The following HNRNPUL2 variants were observed in gnomAD, a reference collection of about 807,000 sequenced individuals.
The protein encoded by HNRNPUL2 is heterogeneous nuclear ribonucleoprotein U-like protein 2.
HNRNPUL2 carries 27 observed loss-of-function variants against 102.2 expected under a neutral mutation model. That is an observed-to-expected ratio of 0.26 (90% CI 0.19 to 0.36). HNRNPUL2 has a LOEUF of 0.36. Ranked by LOEUF, HNRNPUL2 falls within the 10% of genes least tolerant of loss-of-function variation. The pLI is 1.00. For missense variants in HNRNPUL2, 936 were observed against 981.1 expected, an observed-to-expected ratio of 0.95 and a Z score of 0.61; for synonymous variants, 458 against 387.2, an observed-to-expected ratio of 1.18 and a Z score of -2.15.
In HNRNPUL2 at chr11:62,714,040, A is replaced by G. The variant is rs548677470; in HGVS notation, c.*1259T>C. On this transcript the variant is annotated 3_prime_UTR_variant, in exon 14 of 14. Coordinates refer to ENST00000301785, the MANE Select transcript of HNRNPUL2 (RefSeq NM_001079559.3). ...GCGCCCCAAAAGGAATTTTGTTTCT[A>G]GAAGTCGGGAAGGGGTGCTCCCTTT... 1.9e-4 allele frequency: 29 copies of G among 152,276 alleles called. No homozygotes were observed. The highest frequency in any genetic ancestry group is 7.0e-4 in the African/African-American group (29 of 41,534). 9.4% of individuals were successfully genotyped at this position (152,276 alleles called of 1,614,324 possible). A position where few individuals can be genotyped will look rare whatever the true frequency, so the allele number is the denominator to read the frequency against.
chr11:62,720,237 T>C, intron 9 of HNRNPUL2, 46 bp from the exon 10 acceptor site: 2 of 1,582,882 alleles, frequency 1.3e-6, no homozygotes, highest in Non-Finnish European at 1.7e-6. Context: ...AAATTATCAC[T>C]CAGATTTAAC....
Position 62,722,148 on chromosome 11 carries a change from G to C in HNRNPUL2, c.1328C>G (p.Ala443Gly), listed in dbSNP as rs772251720. The change falls in exon 7 of 14, where the codon GCA becomes GGA. Residue 443 changes from alanine to glycine, a missense_variant. Ala to Gly is a moderately conservative substitution (Grantham distance 60). This residue lies in a region of HNRNPUL2 where 609 missense variants were observed against 713.0 expected (regional missense o/e 0.85). Coordinates refer to ENST00000301785, the MANE Select transcript of HNRNPUL2 (RefSeq NM_001079559.3). ...AVPVEERVRT[A>G]VPPKTIEECE... is the part of the protein sequence containing the mutation. The stretch of plus-strand genomic sequence containing the variant: ...TTCCTCTATGGTCTTGGGAGGGACT[G>C]CAGTGCGTACACGCTCCTCAACAGG... 6.2e-7 allele frequency: 1 copy of C among 1,613,960 alleles called. No homozygotes were observed. The highest frequency in any genetic ancestry group is 1.3e-5 in the African/African-American group (1 of 74,932).
chr11:62,722,098 C>G lies in HNRNPUL2; in HGVS notation c.1359+19G>C, dbSNP rs548114978. Reference sequence around the variant, plus strand: ...CTGCAAAGCATACAACCTCAGTGTTCGTATACTGTTTGGCATACCTCACAT... The same window carrying G: ...CTGCAAAGCATACAACCTCAGTGTTGGTATACTGTTTGGCATACCTCACAT... On this transcript the variant is annotated intron_variant, in intron 7 of 13. Transcript: ENST00000301785. 1.2e-6 allele frequency: 2 copies of G among 1,610,914 alleles called. No individual in the cohort carries two copies. The highest frequency in any genetic ancestry group is 1.7e-6 in the Non-Finnish European group (2 of 1,178,110).
At chr11:62,719,443 T>A (rs2083683913) in intron 10 of HNRNPUL2, among the ~76,000 whole-genome samples, 1 of 152,116 alleles carries the variant, frequency 6.6e-6, no homozygotes, top group African/African-American at 2.4e-5. Flanking sequence ...AGGGTGAGAC[T>A]CTGTCTCAAA....
chr11:62,727,018 C>T lies in HNRNPUL2; in HGVS notation c.139G>A (p.Gly47Ser). The T allele has an allele frequency of 1.5e-6, 2 of 1,375,534 alleles. No homozygotes were observed. Among genetic ancestry groups the T allele is most frequent in the South Asian group, 1.6e-5 (1 of 61,952 alleles). The allele number at this position is 1,375,534 out of a possible 1,614,324, so 85.2% of individuals were successfully genotyped here. Residue 47 changes from glycine to serine, a missense_variant, in exon 1 of 14, where the codon GGC (glycine) becomes AGC (serine). Physicochemically the swap from Gly to Ser is moderately conservative, Grantham distance 56 (BLOSUM62 0). Transcript: ENST00000301785. The part of the protein sequence containing the change: ...LDAEMLEDEA[G>S]GGGAGPGGAC... ...CCGCCGGGCCCGGCCCCGCCGCCGC[C>T]GGCCTCGTCCTCGAGCATCTCGGCG...
At chr11:62,722,963 G>T in intron 4 of HNRNPUL2, 60 bp from the exon 5 acceptor site, 1 of 1,282,788 alleles carries the variant, frequency 7.8e-7, no homozygotes, top group Non-Finnish European at 1.1e-6. Flanking sequence ...CAAACTCTGA[G>T]TTCGAAGGAC....
At chr11:62,720,449 C>T (rs968224203) in intron 9 of HNRNPUL2, among the ~76,000 whole-genome samples, 14 of 150,350 alleles carry the variant, frequency 9.3e-5, no homozygotes, top group South Asian at 2.1e-4. Context: ...GAGGCTGAGA[C>T]GGAAGAATCG....
At chr11:62,723,824 T>C in intron 3 of HNRNPUL2, 90 bp downstream of exon 3, 1 of 1,599,748 alleles carries the variant, frequency 6.3e-7, no homozygotes, top group Non-Finnish European at 8.5e-7. Flanking sequence ...ATACAAAGTC[T>C]CATAGAATTT....
At position 62,726,653 on chromosome 11, in the gene HNRNPUL2, G is replaced by A. The variant is rs2083751181; in HGVS notation, c.504C>T (p.Ser168=). 1.4e-5 allele frequency: 23 copies of A among 1,597,134 alleles called. No individual in the cohort carries two copies. Among genetic ancestry groups the A allele is most frequent in the South Asian group, 3.3e-5 (3 of 90,476 alleles). The part of the protein sequence containing the change: ...EERSGDETPG[S]EVPGDKAAEE... ...CGGCGGCCTTGTCACCCGGCACCTC[G>A]GATCCCGGCGTCTCGTCCCCGCTCC... is the stretch of plus-strand genomic sequence containing the variant. Residue 168 remains serine (S), a synonymous_variant, in exon 1 of 14, where the codon TCC becomes TCT. Transcript: ENST00000301785.
chr11:62,727,413 G>A lies in HNRNPUL2; in HGVS notation c.-257C>T, dbSNP rs560026599. ...GCAGCAGGGAGCTGTTTCCCCTCCA[G>A]GCCCTTGGTTCCCCAGCCGCGGGCA... On this transcript the variant is annotated 5_prime_UTR_variant, in exon 1 of 14. Transcript: ENST00000301785. 19 of 363,224 alleles carry A rather than the reference G, an allele frequency of 5.2e-5. No homozygotes were observed. The East Asian group carries it at 6.7e-4, about 13-fold the overall frequency. 22.5% of individuals were successfully genotyped at this position (363,224 alleles called of 1,614,324 possible). A position where few individuals can be genotyped will look rare whatever the true frequency, so the allele number is the denominator to read the frequency against.
intron 1 of HNRNPUL2, 66 bp downstream of exon 1, chr11:62,726,553 G>C (rs1182981886): frequency 1.7e-5 from 24 of 1,429,098 alleles, no homozygotes; most frequent in Non-Finnish European, 2.2e-5. Flanking sequence ...CTGCGGTGCA[G>C]GGCGGGGTGC....
Position 62,726,919 on chromosome 11 carries a change from C to CCTT in HNRNPUL2, c.237_238insAAG (p.Glu79_Glu80insLys). 1.3e-6 allele frequency: 2 copies of CCTT among 1,530,830 alleles called. No homozygotes were observed. The highest frequency in any genetic ancestry group is 1.7e-6 in the Non-Finnish European group (2 of 1,148,824). 94.8% of individuals were successfully genotyped at this position (1,530,830 alleles called of 1,614,324 possible). ...GCCTCCTCGTCCTCCTCCTCCTCCT[C>CCTT]TTCGTCCTCCTCCTCGTCCCCGCCC... is the stretch of plus-strand genomic sequence containing the variant. On this transcript the variant is annotated inframe_insertion, in exon 1 of 14. Transcript: ENST00000301785.
In HNRNPUL2 at chr11:62,722,301, T is replaced by C. The variant is rs1175467151; in HGVS notation, c.1175A>G (p.Asp392Gly). ...DLGVAFWISK[D>G]SLADRALLPH... ...TAGAAGGGCCCGGTCTGCCAGGGAATCCTTGCTGATCCAGAATGCCACACC... is the reference window on the plus strand; with the variant it reads ...TAGAAGGGCCCGGTCTGCCAGGGAACCCTTGCTGATCCAGAATGCCACACC... Residue 392 changes from aspartate to glycine, a missense_variant, in exon 7 of 14, where the codon GAT becomes GGT. This residue lies in a region of HNRNPUL2 where 609 missense variants were observed against 713.0 expected (regional missense o/e 0.85). Transcript: ENST00000301785. The C allele has an allele frequency of 2.5e-6, 4 of 1,613,978 alleles. No homozygotes were observed. Among genetic ancestry groups the C allele is most frequent in the Non-Finnish European group, 3.4e-6 (4 of 1,179,968 alleles).
At chr11:62,715,460 G>GC (rs749317300) in intron 13 of HNRNPUL2, 40 bp downstream of exon 13, 22 of 1,574,420 alleles carry the variant, frequency 1.4e-5, no homozygotes, top group East Asian at 4.5e-5. Flanking sequence ...TTCTGCTCCT[G>GC]CCCCCCTTCA....
rs1388729011 is a variant in HNRNPUL2, at chr11:62,727,067, C to T, written c.90G>A (p.Ala30=). Residue 30 remains alanine (A), a synonymous_variant, in exon 1 of 14, where the codon GCG becomes GCA. Transcript: ENST00000301785. ...CGTCCAGCGCCTCCTGCAGCCGCTG[C>T]GCCAGATCCACCTTGAGGCCGCGCG... is the stretch of plus-strand genomic sequence containing the variant. ...LDSRGLKVDL[A]QRLQEALDAE... is the part of the protein sequence containing the mutation. 10 of 1,432,080 alleles carry T rather than the reference C, an allele frequency of 7.0e-6. No homozygotes were observed. Among genetic ancestry groups the T allele is most frequent in the Non-Finnish European group, 9.2e-6 (10 of 1,092,736 alleles). 88.7% of individuals were successfully genotyped at this position (1,432,080 alleles called of 1,614,324 possible).
intron 1 of HNRNPUL2, among the ~76,000 whole-genome samples, chr11:62,725,240 C>G (rs973585764): frequency 2.6e-5 from 4 of 152,158 alleles, no homozygotes; most frequent in Non-Finnish European, 4.4e-5. Context: ...TTCTGTCGCC[C>G]AGGCTGGAGT....
chr11:62,722,149 C>T lies in HNRNPUL2; in HGVS notation c.1327G>A (p.Ala443Thr), dbSNP rs570077313. The change falls in exon 7 of 14, where the codon GCA becomes ACA. Residue 443 changes from alanine (A) to threonine (T), a missense_variant. Ala to Thr is a moderately conservative substitution (Grantham distance 58). Around this residue, in one of 2 missense-constraint regions of HNRNPUL2, gnomAD observed 609 missense variants for 713.0 expected, o/e 0.85. Transcript: ENST00000301785. ...TCCTCTATGGTCTTGGGAGGGACTG[C>T]AGTGCGTACACGCTCCTCAACAGGC... ...AVPVEERVRT[A>T]VPPKTIEECE... 9 of 1,614,092 alleles carry T rather than the reference C, an allele frequency of 5.6e-6. No homozygotes were observed. The African/African-American group carries it at 1.2e-4, about 22-fold the overall frequency.
chr11:62,720,281 C>T, intron 9 of HNRNPUL2, 90 bp from the exon 10 acceptor site: 1 of 1,278,162 alleles, frequency 7.8e-7, no homozygotes, highest in Non-Finnish European at 1.1e-6. Context: ...CACGGTGGCT[C>T]ACGCCTGTAA....
chr11:62,715,418 T>G (rs759503872), intron 13 of HNRNPUL2, 39 bp from the exon 14 acceptor site: 2 of 1,599,156 alleles, frequency 1.3e-6, no homozygotes, highest in East Asian at 4.5e-5. Context: ...GAGCCAGAGC[T>G]GGCTGAGGAT....
Sources: allele counts gnomAD v4.1 joint callset (sites outside exome capture counted in the v4.1 genomes callset), GRCh38; gene constraint gnomAD v4.1.1; regional missense constraint gnomAD v4.1.1; transcripts MANE v1.5; gene names NCBI Gene and HGNC (gene_info 2026-07-23, HGNC 2026-07-21).